PCSK6: variants seen among roughly 807,000 people sequenced by gnomAD.
PCSK6 encodes the protein proprotein convertase subtilisin/kexin type 6.
PCSK6 carries 85 observed loss-of-function variants against 123.3 expected under a neutral mutation model. That is an observed-to-expected ratio of 0.69 (90% CI 0.58 to 0.83). PCSK6 has a LOEUF of 0.83. Ranked by LOEUF, PCSK6 falls within the 40% of genes least tolerant of loss-of-function variation. The pLI is 0.00. For missense variants in PCSK6, 1,191 were observed against 1,282.3 expected, an observed-to-expected ratio of 0.93 and a Z score of 1.09; for synonymous variants, 508 against 516.0, an observed-to-expected ratio of 0.98 and a Z score of 0.21.
chr15:101,327,095 G>C lies in PCSK6; in HGVS notation c.2078-616C>G, dbSNP rs111675518. ...GCTAGACAGTGCTGTCCTAGGGTTG[G>C]GGGGCTGCTGTTTTCTGTGCTGAGG... On this transcript the variant is annotated intron_variant, in intron 15 of 21. Coordinates refer to ENST00000611716, the MANE Select transcript of PCSK6 (RefSeq NM_002570.5). 1.6e-4 allele frequency among the ~76,000 whole-genome samples: 24 copies of C among 152,316 alleles called. 1 individual carries two copies. The highest frequency in any genetic ancestry group is 5.8e-4 in the African/African-American group (24 of 41,566).
Position 101,438,496 on chromosome 15 carries a change from T to C in PCSK6, c.402+5060A>G, listed in dbSNP as rs572915158. Among the ~76,000 whole-genome samples the C allele has an allele frequency of 2.6e-5, 4 of 152,348 alleles. No homozygotes were observed. In the South Asian group the frequency reaches 8.3e-4, roughly 32 times the overall value. On this transcript the variant is annotated intron_variant, in intron 2 of 21. Coordinates refer to ENST00000611716, the MANE Select transcript of PCSK6 (RefSeq NM_002570.5). ...GGACTTGTAAGGGAGTAAAAGCAAA[T>C]GATATGTGGCCTTGACCCTCGATAA...
In PCSK6 at chr15:101,366,182, C is replaced by A; in HGVS notation, c.1858+14G>T. 6.2e-7 allele frequency: 1 copy of A among 1,606,586 alleles called. No homozygotes were observed. On this transcript the variant is annotated intron_variant, in intron 13 of 21. Coordinates refer to ENST00000611716, the MANE Select transcript of PCSK6 (RefSeq NM_002570.5). The stretch of plus-strand genomic sequence containing the variant: ...GATACAAAAGCTGTCATGAGATTCC[C>A]AAGAGCCACTGACCTTGCTTCTCCG...
intron 13 of PCSK6, among the ~76,000 whole-genome samples, chr15:101,360,683 A>G (rs920138035): frequency 2.3e-5 from 3 of 132,588 alleles, no homozygotes; most frequent in African/African-American, 8.7e-5. Context: ...CGGGGGCCTT[A>G]GCATCCCCTG....
At chr15:101,384,259 A>G in intron 10 of PCSK6, 63 bp downstream of exon 10, 1 of 1,580,032 alleles carries the variant, frequency 6.3e-7, no homozygotes, top group African/African-American at 1.3e-5. Flanking sequence ...TAAGGAATTC[A>G]TGACACCCCT....
At chr15:101,458,593 T>C (rs542183731) in intron 1 of PCSK6, among the ~76,000 whole-genome samples, 2 of 152,216 alleles carry the variant, frequency 1.3e-5, no homozygotes, top group African/African-American at 4.8e-5. Context: ...TTTCACCATG[T>C]GTATCTTCTC....
At chr15:101,320,876 G>C (rs959200446) in intron 18 of PCSK6, among the ~76,000 whole-genome samples, 1 of 152,214 alleles carries the variant, frequency 6.6e-6, no homozygotes, top group Admixed American at 6.5e-5. Context: ...CTGAAAGCTC[G>C]TCAGTGACGG....
chr15:101,403,295 T>A (rs1276580239), intron 6 of PCSK6, among the ~76,000 whole-genome samples: 6 of 136,706 alleles, frequency 4.4e-5, no homozygotes, highest in African/African-American at 8.0e-5. Flanking sequence ...GGGGGAGGGA[T>A]AGCATTAGGA....
chr15:101,310,754 G>C (rs2039838303), intron 20 of PCSK6, among the ~76,000 whole-genome samples: 1 of 152,182 alleles, frequency 6.6e-6, no homozygotes, highest in African/African-American at 2.4e-5. Context: ...TTTGTTTCTA[G>C]GGGAATAGGT....
chr15:101,428,058 C>G (rs2056319808), intron 5 of PCSK6, 78 bp from the exon 6 acceptor site: 1 of 1,163,766 alleles, frequency 8.6e-7, no homozygotes, highest in Non-Finnish European at 1.2e-6. Flanking sequence ...CAGTTCAATG[C>G]AACAAGAGAG....
rs145198769 is a variant in PCSK6 at position 101,464,572 on chromosome 15, C to T, written c.298-20912G>A. Among the ~76,000 whole-genome samples the T allele has an allele frequency of 8.5e-4, 129 of 152,260 alleles. 2 individuals are homozygous for T. In the East Asian group the frequency reaches 0.021, roughly 25 times the overall value. ...AAAGCCAGATTGTTGGGCCCTCTCC[C>T]GGAGTCTGTGATCGAGCAGGCTGTG... On this transcript the variant is annotated intron_variant, in intron 1 of 21. Coordinates refer to ENST00000611716, the MANE Select transcript of PCSK6 (RefSeq NM_002570.5).
intron 20 of PCSK6, among the ~76,000 whole-genome samples, chr15:101,309,293 C>T (rs996959647): frequency 5.3e-5 from 8 of 152,180 alleles, no homozygotes; most frequent in Admixed American, 3.3e-4. Flanking sequence ...GTGATGCTCC[C>T]GTCCCCGTTA....
chr15:101,343,393 A>G (rs1010687042), intron 13 of PCSK6, among the ~76,000 whole-genome samples: 17 of 151,396 alleles, frequency 1.1e-4, no homozygotes, highest in African/African-American at 4.1e-4. Flanking sequence ...TTCATTCTTT[A>G]TGTTGTTGGT....
intron 20 of PCSK6, among the ~76,000 whole-genome samples, chr15:101,311,660 A>C (rs1596166164): frequency 8.4e-6 from 1 of 118,422 alleles, no homozygotes. Flanking sequence ...CCCCATCGTC[A>C]CCCCTCACAG....
At chr15:101,383,713 C>T (rs913322529) in intron 10 of PCSK6, among the ~76,000 whole-genome samples, 11 of 152,192 alleles carry the variant, frequency 7.2e-5, no homozygotes, top group Admixed American at 6.5e-4. Context: ...AATCACAGAG[C>T]TACTCAGGGC....
intron 1 of PCSK6, among the ~76,000 whole-genome samples, chr15:101,450,758 T>C (rs1213870636): frequency 6.6e-6 from 1 of 152,130 alleles, no homozygotes; most frequent in East Asian, 1.9e-4. Flanking sequence ...GTCCTGTCTT[T>C]GAGCTCTCTC....
chr15:101,429,290 C>T (rs866227210), intron 5 of PCSK6, among the ~76,000 whole-genome samples: 1 of 152,196 alleles, frequency 6.6e-6, no homozygotes, highest in African/African-American at 2.4e-5. Flanking sequence ...GCCGTTTACA[C>T]TGCAAAGTCA....
intron 6 of PCSK6, among the ~76,000 whole-genome samples, chr15:101,405,958 G>T (rs937724504): frequency 5.9e-5 from 9 of 152,154 alleles, no homozygotes; most frequent in Admixed American, 2.6e-4. Flanking sequence ...GGCCAGGCTG[G>T]TCTCAAACCC....
chr15:101,313,394 G>A lies in PCSK6; in HGVS notation c.2681C>T (p.Pro894Leu). ...GFYPEEMPGL[P>L]HKVCRRCDEN... ...ACCGTACCTTCGACACACTTTGTGG[G>A]GCAAGCCCGGCATCTCTTCTGGGTA... Residue 894 changes from proline (P) to leucine (L), a missense_variant, in exon 20 of 22, where the codon CCC (proline) becomes CTC (leucine). Pro to Leu is a moderately conservative substitution (Grantham distance 98, BLOSUM62 -3). Coordinates refer to ENST00000611716, the MANE Select transcript of PCSK6 (RefSeq NM_002570.5). 1 of 1,612,744 alleles carries A rather than the reference G, an allele frequency of 6.2e-7. No homozygotes were observed.
intron 12 of PCSK6, 32 bp downstream of exon 12, chr15:101,370,303 C>T: frequency 1.3e-6 from 2 of 1,486,602 alleles, no homozygotes; most frequent in South Asian, 2.7e-5. Context: ...TCAGTGAGCC[C>T]AGACCCCATC....
Sources: gnomAD v4.1 joint callset for allele counts (sites outside exome capture counted in the v4.1 genomes callset) on GRCh38, gnomAD v4.1.1 for gene constraint, MANE v1.5 for transcripts, NCBI Gene and HGNC (gene_info 2026-07-23, HGNC 2026-07-21) for gene names.